FER1L6: variants seen among roughly 807,000 people sequenced by gnomAD.
The protein encoded by FER1L6 is fer-1 like family member 6.
FER1L6 carries 177 observed loss-of-function variants against 219.2 expected under a neutral mutation model. The ratio of observed to expected loss-of-function variants is 0.81; its 90% CI spans 0.71 to 0.91. FER1L6 has a LOEUF of 0.91. Ranked by LOEUF, FER1L6 falls within the 40% of genes least tolerant of loss-of-function variation. The probability of loss-of-function intolerance (pLI) is 0.00; values close to 1 mark genes in which losing one functional copy is unlikely to be tolerated. For synonymous variants in FER1L6, 768 were observed against 824.3 expected (o/e 0.93, Z 1.17); for missense variants, 2,153 against 2,259.9 (o/e 0.95, Z 0.96).
intron 31 of FER1L6, among the ~76,000 whole-genome samples, chr8:124,073,330 T>C (rs984936966): frequency 1.5e-4 from 23 of 152,168 alleles, no homozygotes; most frequent in African/African-American, 5.3e-4. Context: ...GGGCTGGAAC[T>C]TGACGACAGG....
intron 33 of FER1L6, among the ~76,000 whole-genome samples, chr8:124,083,849 G>C (rs932619831): frequency 6.6e-6 from 1 of 152,100 alleles, no homozygotes; most frequent in Non-Finnish European, 1.5e-5. Context: ...TGAATCTGTA[G>C]GTTGCTTTGG....
intron 18 of FER1L6, among the ~76,000 whole-genome samples, chr8:124,025,216 T>TTATG (rs56235553): frequency 0.58 from 87,412 of 151,476 alleles, 25,634 homozygotes; most frequent in African/African-American, 0.64. Flanking sequence ...TACAATTTAT[T>TTATG]TTTTTGTTGC....
At chr8:124,043,131 G>A (rs1233487351) in intron 20 of FER1L6, among the ~76,000 whole-genome samples, 1 of 152,186 alleles carries the variant, frequency 6.6e-6, no homozygotes, top group Non-Finnish European at 1.5e-5. Context: ...TTCAGTAAAT[G>A]TTTACTCATT....
chr8:124,021,654 C>T lies in FER1L6; in HGVS notation c.2118C>T (p.Arg706=), dbSNP rs2130631783. Residue 706 remains arginine (R), a synonymous_variant, in exon 17 of 41, where the codon CGC becomes CGT. Coordinates refer to ENST00000522917, the MANE Select transcript of FER1L6 (RefSeq NM_001039112.2). ...CCCAAAACTTTGTGGAAAAAATCCGCTTTCTTGTTGATGAGGTAACTGACT... is the reference window on the plus strand; with the variant it reads ...CCCAAAACTTTGTGGAAAAAATCCGTTTTCTTGTTGATGAGGTAACTGACT... The part of the protein sequence containing the change: ...HEAQNFVEKI[R]FLVDEPQHTI... 2 of 1,614,096 alleles carry T rather than the reference C, an allele frequency of 1.2e-6. No individual in the cohort carries two copies. The highest frequency in any genetic ancestry group is 3.3e-4 in the Middle Eastern group (2 of 6,062).
intron 1 of FER1L6, among the ~76,000 whole-genome samples, chr8:123,868,981 G>A (rs770554476): frequency 7.9e-5 from 12 of 152,140 alleles, no homozygotes; most frequent in Non-Finnish European, 1.0e-4. Context: ...GTTAGTCTGA[G>A]TTATGCATCT....
intron 34 of FER1L6, among the ~76,000 whole-genome samples, chr8:124,093,925 C>CT (rs34671959): frequency 1.3e-4 from 19 of 151,906 alleles, no homozygotes; most frequent in African/African-American, 4.1e-4. Flanking sequence ...ACTGTGGCCC[C>CT]TTTTTTTTAA....
intron 2 of FER1L6, among the ~76,000 whole-genome samples, chr8:123,956,456 T>C (rs1815025322): frequency 6.6e-6 from 1 of 152,176 alleles, no homozygotes; most frequent in Non-Finnish European, 1.5e-5. Flanking sequence ...AAGCAAGATT[T>C]TGAAAATAAG....
At chr8:124,011,408 T>G (rs1217715594) in intron 14 of FER1L6, among the ~76,000 whole-genome samples, 1 of 152,214 alleles carries the variant, frequency 6.6e-6, no homozygotes, top group African/African-American at 2.4e-5. Context: ...CAGGCTGGAA[T>G]GCAGTGGCAC....
chr8:124,105,488 A>G (rs1395999868), intron 39 of FER1L6, among the ~76,000 whole-genome samples: 2 of 152,178 alleles, frequency 1.3e-5, no homozygotes, highest in Non-Finnish European at 2.9e-5. Flanking sequence ...TGGTCAGAAG[A>G]GGGTCAAAAT....
intron 1 of FER1L6, among the ~76,000 whole-genome samples, chr8:123,938,952 C>A (rs1814114590): frequency 6.6e-6 from 1 of 152,186 alleles, no homozygotes; most frequent in African/African-American, 2.4e-5. Context: ...CTTTTTTATT[C>A]TTCAAGGGAA....
chr8:124,047,694 C>T (rs1295388844), intron 21 of FER1L6: 1 of 152,020 alleles, frequency 6.6e-6, no homozygotes, highest in East Asian at 1.9e-4. Flanking sequence ...ATTATTGACT[C>T]TAAAGGGAAA....
chr8:123,860,873 G>A (rs1816733588), intron 1 of FER1L6, among the ~76,000 whole-genome samples: 1 of 93,666 alleles, frequency 1.1e-5, no homozygotes, highest in Non-Finnish European at 2.0e-5. Context: ...TGTAGATTCT[G>A]GATATTAGCC....
intron 33 of FER1L6, among the ~76,000 whole-genome samples, chr8:124,082,974 T>C (rs1311502829): frequency 2.0e-5 from 3 of 147,904 alleles, no homozygotes; most frequent in African/African-American, 5.0e-5. Flanking sequence ...TTTTCATGGG[T>C]ACATAAATGT....
In FER1L6 at chr8:124,060,285, G is replaced by GT; in HGVS notation, c.2981dup (p.Glu995GlyfsTer26). 1.2e-6 allele frequency: 2 copies of GT among 1,614,080 alleles called. No homozygotes were observed. Among genetic ancestry groups the GT allele is most frequent in the Non-Finnish European group, 1.7e-6 (2 of 1,179,926 alleles). On this transcript the variant is annotated frameshift_variant, in exon 23 of 41. Transcript: ENST00000522917. LOFTEE classifies it high-confidence loss of function. ...TCGGCCGGTGCTGAGCAAATACCGA[G>GT]TGGAGGTACGGGTCAGCGGAGGAGC...
intron 1 of FER1L6, among the ~76,000 whole-genome samples, chr8:123,875,792 C>G (rs1204329821): frequency 6.6e-6 from 1 of 152,076 alleles, no homozygotes; most frequent in Non-Finnish European, 1.5e-5. Context: ...ATCCTTGACT[C>G]CACTCTTTCA....
intron 15 of FER1L6, among the ~76,000 whole-genome samples, chr8:124,015,640 T>A (rs184617833): frequency 7.6e-5 from 10 of 131,506 alleles, no homozygotes; most frequent in Admixed American, 2.5e-4. Context: ...AGCTGTTTAG[T>A]GCCACCTGCA....
intron 1 of FER1L6, among the ~76,000 whole-genome samples, chr8:123,903,078 T>A (rs573589301): frequency 1.8e-4 from 27 of 152,298 alleles, no homozygotes; most frequent in African/African-American, 5.8e-4. Context: ...TTGTTTTTTT[T>A]AAATGCAATT....
rs534143980 is a variant in FER1L6 at position 124,014,347 on chromosome 8, C to T, written c.1922+816C>T. 3.3e-5 allele frequency: 5 copies of T among 152,730 alleles called. No homozygotes were observed. In the East Asian group the frequency reaches 9.6e-4, roughly 29 times the overall value. 9.5% of individuals were successfully genotyped at this position (152,730 alleles called of 1,614,324 possible). ...GGTTGTCTTATTTTTTATACAAAGTCCCCCAGGTAATCTCTTGGAGCTGTC... is the reference window on the plus strand; with the variant it reads ...GGTTGTCTTATTTTTTATACAAAGTTCCCCAGGTAATCTCTTGGAGCTGTC... On this transcript the variant is annotated intron_variant, in intron 15 of 40. Coordinates refer to ENST00000522917, the MANE Select transcript of FER1L6 (RefSeq NM_001039112.2).
chr8:124,120,039 C>T lies in FER1L6; in HGVS notation c.*249C>T, dbSNP rs2131060349. On this transcript the variant is annotated 3_prime_UTR_variant, in exon 41 of 41. Coordinates refer to ENST00000522917, the MANE Select transcript of FER1L6 (RefSeq NM_001039112.2). ...GGCACTTTCACCTCATGGTAATCAA[C>T]AATGACCTCAAATTGACTTAGATCA... The T allele has an allele frequency of 2.6e-6, 1 of 385,620 alleles. No individual in the cohort carries two copies. The highest frequency in any genetic ancestry group is 4.6e-6 in the Non-Finnish European group (1 of 218,002). The allele number at this position is 385,620 out of a possible 1,614,324, so 23.9% of individuals were successfully genotyped here. A position where few individuals can be genotyped will look rare whatever the true frequency, so the allele number is the denominator to read the frequency against.
Sources: allele counts gnomAD v4.1 joint callset (sites outside exome capture counted in the v4.1 genomes callset), GRCh38; gene constraint gnomAD v4.1.1; transcripts MANE v1.5; gene names NCBI Gene and HGNC (gene_info 2026-07-23, HGNC 2026-07-21).